Variants in ARFGEF2 observed in about 807,000 individuals in gnomAD.
The protein encoded by ARFGEF2 is brefeldin A-inhibited guanine nucleotide-exchange protein 2.
Under a neutral mutation model 219.9 loss-of-function variants are expected in ARFGEF2, and 74 were observed. The observed-to-expected ratio is 0.34, with a 90% CI of 0.28 to 0.41. ARFGEF2 has a LOEUF of 0.41. Among genes scored for constraint, ARFGEF2 ranks in the 10% least tolerant of loss-of-function variants. The pLI is 1.00. For missense variants in ARFGEF2, 1,743 were observed against 2,218.3 expected (o/e 0.79, Z 4.30); for synonymous variants, 733 against 799.2 (o/e 0.92, Z 1.40).
intron 28 of ARFGEF2, among the ~76,000 whole-genome samples, chr20:49,013,199 TA>T (rs1354014593): frequency 6.6e-6 from 1 of 152,228 alleles, no homozygotes; most frequent in Non-Finnish European, 1.5e-5. Context: ...TTATTTTAAG[TA>T]ATGTGTATGA....
chr20:48,979,722 G>A (rs2091283775), intron 14 of ARFGEF2, among the ~76,000 whole-genome samples: 1 of 152,146 alleles, frequency 6.6e-6, no homozygotes, highest in Non-Finnish European at 1.5e-5. Context: ...ATGTGTCGAG[G>A]AATTTATCCA....
chr20:48,941,859 C>T lies in ARFGEF2; in HGVS notation c.153-5C>T, dbSNP rs1265555474. The stretch of plus-strand genomic sequence containing the variant: ...TCTCCCGACCCTCTCTTGCTTTTCT[C>T]CTAGGCTTGGCACTGCTGCACCACC... On this transcript the variant is annotated splice_region_variant and splice_polypyrimidine_tract_variant and intron_variant, in intron 2 of 38. Transcript: ENST00000371917. The T allele has an allele frequency of 6.2e-7, 1 of 1,614,208 alleles. No homozygotes were observed. Among genetic ancestry groups the T allele is most frequent in the East Asian group, 2.2e-5 (1 of 44,892 alleles).
At position 48,953,158 on chromosome 20, in the gene ARFGEF2, CTTTCTTTTTTTTTT is replaced by C. The variant is rs563201238; in HGVS notation, c.603+285_603+298del. ...GGCTGGAATTTTTCTTTCTTTCTTT[CTTTCTTTTTTTTTT>C]TTTCTTTTTTCTTTTTTTTTGGAGA... On this transcript the variant is annotated intron_variant, in intron 5 of 38. Coordinates refer to ENST00000371917, the MANE Select transcript of ARFGEF2 (RefSeq NM_006420.3). Among the ~76,000 whole-genome samples the C allele has an allele frequency of 5.5e-3, 819 of 149,430 alleles. No individual in the cohort carries two copies. Among genetic ancestry groups the C allele is most frequent in the Non-Finnish European group, 7.6e-3 (510 of 67,268 alleles).
chr20:49,001,054 C>CTTTTT (rs66754799), intron 25 of ARFGEF2, among the ~76,000 whole-genome samples: 10 of 60,602 alleles, frequency 1.7e-4, no homozygotes, highest in African/African-American at 5.0e-4. Flanking sequence ...CTCAGGAACT[C>CTTTTT]TTTTTTTTTT....
chr20:48,952,971 A>T, intron 5 of ARFGEF2, 87 bp downstream of exon 5: 1 of 1,421,962 alleles, frequency 7.0e-7, no homozygotes, highest in South Asian at 1.2e-5. Context: ...GTGAAGAATC[A>T]CTAGCATTTT....
At chr20:49,023,296 T>C (rs1041623389) in intron 35 of ARFGEF2, 115 bp downstream of exon 35, 3 of 1,384,948 alleles carry the variant, frequency 2.2e-6, no homozygotes. Flanking sequence ...TGCTCATCTC[T>C]TTCCAACCTC....
intron 30 of ARFGEF2, among the ~76,000 whole-genome samples, chr20:49,015,095 T>TTTTG (rs1391803317): frequency 6.6e-6 from 1 of 152,138 alleles, no homozygotes; most frequent in Non-Finnish European, 1.5e-5. Context: ...TTCTAGAATG[T>TTTTG]TTTGTTTGTT....
intron 1 of ARFGEF2, among the ~76,000 whole-genome samples, chr20:48,935,378 C>T (rs2090941486): frequency 6.6e-6 from 1 of 152,068 alleles, no homozygotes. Context: ...TGAGTGGATA[C>T]AGCACATGTT....
intron 25 of ARFGEF2, among the ~76,000 whole-genome samples, chr20:49,001,797 G>T (rs1013860126): frequency 6.6e-6 from 1 of 152,036 alleles, no homozygotes; most frequent in Non-Finnish European, 1.5e-5. Context: ...TGTACTCATA[G>T]AAATATTACA....
intron 20 of ARFGEF2, among the ~76,000 whole-genome samples, chr20:48,990,099 A>G (rs1018591216): frequency 2.0e-5 from 3 of 152,160 alleles, no homozygotes; most frequent in Non-Finnish European, 2.9e-5. Context: ...GACCGGCTTG[A>G]ACCCAGGAGG....
At chr20:48,971,910 A>C (rs2091230891) in intron 10 of ARFGEF2, among the ~76,000 whole-genome samples, 1 of 152,166 alleles carries the variant, frequency 6.6e-6, no homozygotes, top group Non-Finnish European at 1.5e-5. Context: ...CAAAAAAAAA[A>C]AGTTACTGCC....
chr20:49,018,502 C>T (rs559388388), intron 33 of ARFGEF2, among the ~76,000 whole-genome samples: 18 of 152,306 alleles, frequency 1.2e-4, no homozygotes, highest in Middle Eastern at 3.4e-3. Context: ...TCCCAAAGTG[C>T]TGGGATTACA....
intron 1 of ARFGEF2, among the ~76,000 whole-genome samples, chr20:48,926,891 A>G (rs963796779): frequency 2.6e-5 from 4 of 152,220 alleles, no homozygotes; most frequent in Non-Finnish European, 5.9e-5. Context: ...GTAGCTTCAC[A>G]TAGATCATAA....
intron 6 of ARFGEF2, among the ~76,000 whole-genome samples, chr20:48,958,885 A>G (rs1370048702): frequency 6.6e-6 from 1 of 152,118 alleles, no homozygotes; most frequent in African/African-American, 2.4e-5. Context: ...AAGGGAAGGG[A>G]GTCGATTGGG....
intron 6 of ARFGEF2, 146 bp downstream of exon 6, chr20:48,953,936 T>C: frequency 1.1e-6 from 1 of 875,738 alleles, no homozygotes; most frequent in Non-Finnish European, 1.9e-6. Flanking sequence ...GCTTTTCTCT[T>C]AGGGAACACA....
At position 49,018,998 on chromosome 20, in the gene ARFGEF2, A is replaced by G. The variant is rs1458225377; in HGVS notation, c.4624A>G (p.Asn1542Asp). ...CAGCTGGAAGGGTAGACCATACGCA[A>G]GTAAGGCCACTTTTTAATTTGTTTT... ...DDSWKGRPYANQKLFASLLIK... is the reference protein window; with the variant it reads ...DDSWKGRPYADQKLFASLLIK... Residue 1542 changes from asparagine to aspartate, a missense_variant and splice_region_variant, in exon 34 of 39, where the codon AAT (asparagine) becomes GAT (aspartate). This residue lies in a region of ARFGEF2 where 578 missense variants were observed against 664.0 expected (regional missense o/e 0.87). Coordinates refer to ENST00000371917, the MANE Select transcript of ARFGEF2 (RefSeq NM_006420.3). 3 of 1,611,190 alleles carry G rather than the reference A, an allele frequency of 1.9e-6. No individual in the cohort carries two copies. In the African/African-American group the frequency reaches 4.0e-5, roughly 22 times the overall value.
At chr20:48,976,240 G>C in intron 14 of ARFGEF2, 41 bp downstream of exon 14, 1 of 1,609,330 alleles carries the variant, frequency 6.2e-7, no homozygotes, top group Non-Finnish European at 8.5e-7. Context: ...TTCTAGCAAA[G>C]CCATATTTTC....
chr20:48,989,458 C>T (rs751617798), intron 19 of ARFGEF2, 22 bp downstream of exon 19: 5 of 1,614,138 alleles, frequency 3.1e-6, no homozygotes, highest in African/African-American at 1.3e-5. Flanking sequence ...GAGAACTTAG[C>T]AAGCATGTGG....
intron 25 of ARFGEF2, among the ~76,000 whole-genome samples, chr20:49,002,094 A>C (rs1165338206): frequency 6.6e-6 from 1 of 152,112 alleles, no homozygotes; most frequent in Non-Finnish European, 1.5e-5. Flanking sequence ...AAAAATTAGC[A>C]GGGCGCGGTA....
Sources: gnomAD v4.1 joint callset for allele counts (sites outside exome capture counted in the v4.1 genomes callset) on GRCh38, gnomAD v4.1.1 for gene constraint, gnomAD v4.1.1 regional missense constraint, MANE v1.5 for transcripts, NCBI Gene and HGNC (gene_info 2026-07-23, HGNC 2026-07-21) for gene names.